HSPA1L: variants seen among roughly 807,000 people sequenced by gnomAD.
HSPA1L encodes the protein heat shock 70 kDa protein 1-like.
HSPA1L carries 21 observed loss-of-function variants against 31.5 expected under a neutral mutation model. The observed-to-expected ratio is 0.67, with a 90% CI of 0.47 to 0.96. The LOEUF is 0.96. HSPA1L is among the 40% of genes least tolerant of loss of function. The pLI, the probability that HSPA1L is intolerant of heterozygous loss-of-function variation, is 0.00. For missense variants in HSPA1L, 709 were observed against 813.4 expected, an observed-to-expected ratio of 0.87 and a Z score of 1.56; for synonymous variants, 293 against 323.1, an observed-to-expected ratio of 0.91 and a Z score of 1.00.
At chr6:31,814,865 T>C (rs1815765449) in intron 1 of HSPA1L, 24 bp downstream of exon 1, 1 of 982,248 alleles carries the variant, frequency 1.0e-6, no homozygotes, top group Admixed American at 6.2e-5. Flanking sequence ...AGGTTCACAA[T>C]CAATCAGATC....
In HSPA1L at chr6:31,811,702, G is replaced by A. The variant is rs1365145150; in HGVS notation, c.271C>T (p.Leu91Phe). 6.2e-7 allele frequency: 1 copy of A among 1,614,152 alleles called. No individual in the cohort carries two copies. Among genetic ancestry groups the A allele is most frequent in the South Asian group, 1.1e-5 (1 of 91,080 alleles). ...TCATTAATCACTTGAAAAGGCCAAAGTTTCATATCTGCTTGTACAACAGGA... is the reference window on the plus strand; with the variant it reads ...TCATTAATCACTTGAAAAGGCCAAAATTTCATATCTGCTTGTACAACAGGA... ...NDPVVQADMKLWPFQVINEGG... is the reference protein window; with the variant it reads ...NDPVVQADMKFWPFQVINEGG... Residue 91 changes from leucine (L) to phenylalanine (F), a missense_variant, in exon 2 of 2, where the codon CTT (leucine) becomes TTT (phenylalanine). Transcript: ENST00000375654.
chr6:31,810,758 CA>C lies in HSPA1L; in HGVS notation c.1214del (p.Leu405ArgfsTer7). The C allele has an allele frequency of 6.2e-7, 1 of 1,614,084 alleles. No individual in the cohort carries two copies. The highest frequency in any genetic ancestry group is 8.5e-7 in the Non-Finnish European group (1 of 1,179,998). On this transcript the variant is annotated frameshift_variant, in exon 2 of 2. Transcript: ENST00000375654. LOFTEE classifies it high-confidence loss of function. ...LLDVAPLSLG[L>X]ETAGGVMTAL... ...CAGTCATCACGCCCCCAGCCGTCTC[CA>C]GCCCCAGGGACAGGGGAGCCACGTC...
intron 1 of HSPA1L, among the ~76,000 whole-genome samples, chr6:31,813,502 A>C (rs1313513115): frequency 6.6e-6 from 1 of 152,096 alleles, no homozygotes; most frequent in Non-Finnish European, 1.5e-5. Flanking sequence ...ACAGAGTTTC[A>C]CCATGTTGAC....
chr6:31,810,459 A>G lies in HSPA1L; in HGVS notation c.1514T>C (p.Ile505Thr). ...GCTCAGGCGGCCCTTGTCATTGGTG[A>G]TGGTGATCTTGTTCACCTTGCCGGT... The part of the protein sequence containing the change: ...KSTGKVNKIT[I>T]TNDKGRLSKE... The change falls in exon 2 of 2, where the codon ATC (isoleucine) becomes ACC (threonine). Residue 505 changes from isoleucine (I) to threonine (T), a missense_variant. Coordinates refer to ENST00000375654, the MANE Select transcript of HSPA1L (RefSeq NM_005527.4). 6.2e-7 allele frequency: 1 copy of G among 1,613,922 alleles called. No homozygotes were observed. Among genetic ancestry groups the G allele is most frequent in the Non-Finnish European group, 8.5e-7 (1 of 1,179,930 alleles).
rs757351933 is a variant in HSPA1L, at chr6:31,811,806, G to A, written c.167C>T (p.Ala56Val). 9.9e-6 allele frequency: 16 copies of A among 1,614,014 alleles called. No individual in the cohort carries two copies. In the Admixed American group the frequency reaches 1.3e-4, roughly 13 times the overall value. ...FTDTERLIGDAAKNQVAMNPQ... is the reference protein window; with the variant it reads ...FTDTERLIGDVAKNQVAMNPQ... ...ATTCATTGCTACCTGGTTCTTGGCCGCATCCCCAATGAGCCGCTCGGTGTC... is the reference window on the plus strand; with the variant it reads ...ATTCATTGCTACCTGGTTCTTGGCCACATCCCCAATGAGCCGCTCGGTGTC... Residue 56 changes from alanine (A) to valine (V), a missense_variant, in exon 2 of 2, where the codon GCG becomes GTG. By Grantham distance (64) the Ala-to-Val change is moderately conservative (BLOSUM62 0). Transcript: ENST00000375654.
chr6:31,810,951 C>G lies in HSPA1L; in HGVS notation c.1022G>C (p.Gly341Ala), dbSNP rs1314611285. The change falls in exon 2 of 2, where the codon GGC becomes GCC. Residue 341 changes from glycine to alanine, a missense_variant. Coordinates refer to ENST00000375654, the MANE Select transcript of HSPA1L (RefSeq NM_005527.4). Reference protein sequence around the residue: ...AKIHDIVLVGGSTRIPKVQRL... With the variant: ...AKIHDIVLVGASTRIPKVQRL... Reference sequence around the variant, plus strand: ...CTGCACCTTGGGGATGCGGGTGGAGCCCCCTACTAAAACAATGTCATGGAT... The same window carrying G: ...CTGCACCTTGGGGATGCGGGTGGAGGCCCCTACTAAAACAATGTCATGGAT... 6.2e-7 allele frequency: 1 copy of G among 1,614,012 alleles called. No individual in the cohort carries two copies. Among genetic ancestry groups the G allele is most frequent in the Non-Finnish European group, 8.5e-7 (1 of 1,180,032 alleles).
In HSPA1L at chr6:31,811,294, C is replaced by T; in HGVS notation, c.679G>A (p.Asp227Asn). ...AAGTCCTCCCCACCCAGGTGAGTGT[C>T]CCCAGCAGTGGCCTTTACCTCAAAA... ...GIFEVKATAG[D>N]THLGGEDFDN... Residue 227 changes from aspartate (D) to asparagine (N), a missense_variant, in exon 2 of 2, where the codon GAC becomes AAC. Coordinates refer to ENST00000375654, the MANE Select transcript of HSPA1L (RefSeq NM_005527.4). The T allele has an allele frequency of 6.2e-7, 1 of 1,614,146 alleles. No homozygotes were observed. Among genetic ancestry groups the T allele is most frequent in the South Asian group, 1.1e-5 (1 of 91,078 alleles).
At position 31,814,937 on chromosome 6, in the gene HSPA1L, AG is replaced by A; in HGVS notation, c.-63del. ...CAGTTTGGAAACGTCCAGATTACGCAGCCCCAGCGAGTAGGTGGGGGCTCCC... is the reference window on the plus strand; with the variant it reads ...CAGTTTGGAAACGTCCAGATTACGCACCCCAGCGAGTAGGTGGGGGCTCCC... On this transcript the variant is annotated 5_prime_UTR_variant, in exon 1 of 2. The change creates a premature stop within an existing upstream ORF in the 5' untranslated region. Transcript: ENST00000375654. The A allele has an allele frequency of 1.0e-6, 1 of 985,596 alleles. No individual in the cohort carries two copies. Among genetic ancestry groups the A allele is most frequent in the Non-Finnish European group, 1.2e-6 (1 of 830,134 alleles). 61.1% of individuals were successfully genotyped at this position (985,596 alleles called of 1,614,324 possible). A position where few individuals can be genotyped will look rare whatever the true frequency, so the allele number is the denominator to read the frequency against.
Position 31,810,409 on chromosome 6 carries a change from GA to G in HSPA1L, c.1563del (p.Leu522TrpfsTer23). ...RLSKEEIERMVLDAEKYKAED... is the reference protein window; with the variant it reads ...RLSKEEIERMXLDAEKYKAED... The stretch of plus-strand genomic sequence containing the variant: ...TCAGCTTTATATTTCTCAGCATCCA[GA>G]ACCATGCGCTCAATCTCCTCCTTGC... On this transcript the variant is annotated frameshift_variant, in exon 2 of 2. Transcript: ENST00000375654. LOFTEE classifies it high-confidence loss of function. 3.7e-6 allele frequency: 6 copies of G among 1,613,632 alleles called. No individual in the cohort carries two copies. The highest frequency in any genetic ancestry group is 4.2e-6 in the Non-Finnish European group (5 of 1,179,804).
chr6:31,811,146 A>G lies in HSPA1L; in HGVS notation c.827T>C (p.Leu276Pro), dbSNP rs1408091890. 2 of 1,614,030 alleles carry G rather than the reference A, an allele frequency of 1.2e-6. No individual in the cohort carries two copies. Among genetic ancestry groups the G allele is most frequent in the African/African-American group, 2.7e-5 (2 of 74,910 alleles). The change falls in exon 2 of 2, where the codon CTG becomes CCG. Residue 276 changes from leucine to proline, a missense_variant. Coordinates refer to ENST00000375654, the MANE Select transcript of HSPA1L (RefSeq NM_005527.4). The stretch of plus-strand genomic sequence containing the variant: ...TAGGTTGGCCTGGGTGCTGGACGAC[A>G]GGGTCCTCTTGGCCCTCTCGCAGGC... ...RTACERAKRT[L>P]SSSTQANLEI...
intron 1 of HSPA1L, among the ~76,000 whole-genome samples, chr6:31,814,191 G>C (rs1353517855): frequency 6.6e-6 from 1 of 152,130 alleles, no homozygotes; most frequent in Admixed American, 6.6e-5. Flanking sequence ...GGCGGATCAC[G>C]GGGTCAGGAG....
At chr6:31,814,530 A>C (rs1001162238) in intron 1 of HSPA1L, among the ~76,000 whole-genome samples, 9 of 151,568 alleles carry the variant, frequency 5.9e-5, no homozygotes, top group Non-Finnish European at 7.4e-5. Context: ...AAAAATTAAA[A>C]ATAAATAAAT....
In HSPA1L at chr6:31,815,133, C is replaced by A. The variant is rs902840664; in HGVS notation, c.-258G>T. On this transcript the variant is annotated 5_prime_UTR_variant, in exon 1 of 2. Transcript: ENST00000375654. ...GTGTCAACACAAACGCCCCCACCCTCCCCTGGACGCGCGTAACCCGCTCCC... is the reference window on the plus strand; with the variant it reads ...GTGTCAACACAAACGCCCCCACCCTACCCTGGACGCGCGTAACCCGCTCCC... 9 of 541,354 alleles carry A rather than the reference C, an allele frequency of 1.7e-5. No homozygotes were observed. Among genetic ancestry groups the A allele is most frequent in the African/African-American group, 2.1e-5 (1 of 48,312 alleles). The allele number at this position is 541,354 out of a possible 1,614,324, so 33.5% of individuals were successfully genotyped here.
chr6:31,811,298 A>C lies in HSPA1L; in HGVS notation c.675T>G (p.Ala225=). The change falls in exon 2 of 2, where the codon GCT becomes GCG. Residue 225 remains alanine (A), a synonymous_variant. Transcript: ENST00000375654. The stretch of plus-strand genomic sequence containing the variant: ...CCTCCCCACCCAGGTGAGTGTCCCC[A>C]GCAGTGGCCTTTACCTCAAAAATCC... ...DDGIFEVKAT[A]GDTHLGGEDF... 1 of 1,614,138 alleles carries C rather than the reference A, an allele frequency of 6.2e-7. No homozygotes were observed. Among genetic ancestry groups the C allele is most frequent in the Non-Finnish European group, 8.5e-7 (1 of 1,180,030 alleles).
intron 1 of HSPA1L, among the ~76,000 whole-genome samples, chr6:31,814,333 A>C (rs1444956012): frequency 2.0e-5 from 3 of 151,842 alleles, no homozygotes; most frequent in African/African-American, 7.3e-5. Context: ...AGGCAGGAGA[A>C]TAGCTTGAAC....
rs138274398 is a variant in HSPA1L, at chr6:31,811,437, G to A, written c.536C>T (p.Thr179Met). 35 of 1,614,024 alleles carry A rather than the reference G, an allele frequency of 2.2e-5. No individual in the cohort carries two copies. The African/African-American group carries it at 3.6e-4, about 17-fold the overall frequency. Residue 179 changes from threonine to methionine, a missense_variant, in exon 2 of 2, where the codon ACG becomes ATG. By Grantham distance (81) the Thr-to-Met change is moderately conservative. Transcript: ENST00000375654. ...LNVLRIINEPTAAAIAYGLDK... is the reference protein window; with the variant it reads ...LNVLRIINEPMAAAIAYGLDK... The stretch of plus-strand genomic sequence containing the variant: ...TAAACCATAGGCAATGGCAGCAGCC[G>A]TGGGCTCATTGATGATTCTTAGCAC...
rs998578135 is a variant in HSPA1L, at chr6:31,810,428, C to T, written c.1545G>A (p.Glu515=). The T allele has an allele frequency of 6.2e-7, 1 of 1,614,022 alleles. No individual in the cohort carries two copies. Among genetic ancestry groups the T allele is most frequent in the Non-Finnish European group, 8.5e-7 (1 of 1,179,968 alleles). The change falls in exon 2 of 2, where the codon GAG becomes GAA. Residue 515 remains glutamate (E), a synonymous_variant. Coordinates refer to ENST00000375654, the MANE Select transcript of HSPA1L (RefSeq NM_005527.4). ...CATCCAGAACCATGCGCTCAATCTC[C>T]TCCTTGCTCAGGCGGCCCTTGTCAT... ...ITNDKGRLSK[E]EIERMVLDAE... is the part of the protein sequence containing the mutation.
At chr6:31,814,371 C>G (rs1474189344) in intron 1 of HSPA1L, among the ~76,000 whole-genome samples, 1 of 151,144 alleles carries the variant, frequency 6.6e-6, no homozygotes, top group Non-Finnish European at 1.5e-5. Context: ...TAGCCGGGCG[C>G]GGTGGCGGGC....
Position 31,815,180 on chromosome 6 carries a change from A to C in HSPA1L, c.-305T>G. 2.6e-5 allele frequency: 6 copies of C among 227,536 alleles called. No homozygotes were observed. The highest frequency in any genetic ancestry group is 4.8e-5 in the Non-Finnish European group (6 of 125,360). The allele number at this position is 227,536 out of a possible 1,614,324, so 14.1% of individuals were successfully genotyped here. ...TCCCCGCACCAGCCCCCTGCCCACA[A>C]CTGCGCAGGCCCAGCAAGCCCCCAC... On this transcript the variant is annotated 5_prime_UTR_variant, in exon 1 of 2. Coordinates refer to ENST00000375654, the MANE Select transcript of HSPA1L (RefSeq NM_005527.4).
Sources: allele counts gnomAD v4.1 joint callset (sites outside exome capture counted in the v4.1 genomes callset), GRCh38; gene constraint gnomAD v4.1.1; transcripts MANE v1.5; gene names NCBI Gene and HGNC (gene_info 2026-07-23, HGNC 2026-07-21).